CDH3: variants seen among roughly 807,000 people sequenced by gnomAD.
The protein encoded by CDH3 is cadherin-3.
Under a neutral mutation model 82.0 loss-of-function variants are expected in CDH3, and 54 were observed. The observed-to-expected ratio is 0.66, with a 90% CI of 0.53 to 0.83. The LOEUF is 0.83. CDH3 is among the 40% of genes least tolerant of loss of function. CDH3 has a pLI of 0.00. For missense variants in CDH3, 1,054 were observed against 1,084.6 expected (o/e 0.97, Z 0.40); for synonymous variants, 446 against 437.9 (o/e 1.02, Z -0.23).
intron 15 of CDH3, 105 bp from the exon 16 acceptor site, chr16:68,698,086 C>G (rs1380598086): frequency 9.8e-7 from 1 of 1,015,502 alleles, no homozygotes; most frequent in Non-Finnish European, 1.5e-6. Context: ...ACCTCCAAAA[C>G]CTTTAGGGGA....
chr16:68,666,449 C>T (rs533609713), intron 2 of CDH3, among the ~76,000 whole-genome samples: 56 of 152,236 alleles, frequency 3.7e-4, no homozygotes, highest in Admixed American at 3.3e-3. Flanking sequence ...CCAGCATGCC[C>T]AGGGGTGGGT....
At chr16:68,645,902 G>T (rs1960045353) in intron 2 of CDH3, 152 bp downstream of exon 2, 1 of 631,698 alleles carries the variant, frequency 1.6e-6, no homozygotes, top group African/African-American at 1.8e-5. Flanking sequence ...GCTGGGATTG[G>T]GGGTGGTGGC....
intron 2 of CDH3, among the ~76,000 whole-genome samples, chr16:68,671,042 C>CATGG (rs1247818152): frequency 6.6e-6 from 1 of 151,978 alleles, no homozygotes; most frequent in Non-Finnish European, 1.5e-5. Flanking sequence ...CACTGCACTC[C>CATGG]AGCCTGAGTA....
At chr16:68,654,066 T>TC (rs955858636) in intron 2 of CDH3, among the ~76,000 whole-genome samples, 1 of 149,894 alleles carries the variant, frequency 6.7e-6, no homozygotes, top group Non-Finnish European at 1.5e-5. Flanking sequence ...CTTAATTTTT[T>TC]TTTTTTTTTT....
chr16:68,676,102 C>A (rs1961026832), intron 2 of CDH3, among the ~76,000 whole-genome samples: 1 of 152,132 alleles, frequency 6.6e-6, no homozygotes, highest in South Asian at 2.1e-4. Flanking sequence ...GGGCTAATGT[C>A]CATGAATGTC....
chr16:68,692,130 A>T (rs1961597750), intron 13 of CDH3, among the ~76,000 whole-genome samples: 3 of 152,112 alleles, frequency 2.0e-5, no homozygotes, highest in African/African-American at 7.2e-5. Context: ...TCTGCCTCCC[A>T]GGCTCAAATG....
intron 1 of CDH3, among the ~76,000 whole-genome samples, chr16:68,722,136 G>C (rs963635641): frequency 1.3e-5 from 2 of 152,104 alleles, no homozygotes; most frequent in African/African-American, 2.4e-5. Flanking sequence ...TATTGCTCTG[G>C]GTTGTAAATC....
At chr16:68,724,291 G>A (rs945051265) in intron 2 of CDH3, among the ~76,000 whole-genome samples, 2 of 151,434 alleles carry the variant, frequency 1.3e-5, no homozygotes, top group Admixed American at 6.6e-5. Flanking sequence ...TTTTTTGAAG[G>A]GAATTTAGAC....
intron 12 of CDH3, among the ~76,000 whole-genome samples, chr16:68,690,490 G>A (rs1961533083): frequency 6.6e-6 from 1 of 152,082 alleles, no homozygotes; most frequent in South Asian, 2.1e-4. Flanking sequence ...GCGCAAACCT[G>A]TAGTCCCAGC....
chr16:68,678,419 G>T, intron 4 of CDH3, 82 bp from the exon 5 acceptor site: 1 of 1,582,264 alleles, frequency 6.3e-7, no homozygotes, highest in Admixed American at 1.7e-5. Flanking sequence ...TCCTATGGCA[G>T]TGCCCCTCTT....
chr16:68,685,581 A>G (rs1158541654), intron 11 of CDH3, among the ~76,000 whole-genome samples: 3 of 151,946 alleles, frequency 2.0e-5, no homozygotes, highest in Non-Finnish European at 4.4e-5. Flanking sequence ...CAAGGCAGGT[A>G]GATCACCTGA....
At chr16:68,732,531 G>T in the CDH3 span, among the ~76,000 whole-genome samples, 1 of 152,242 alleles carries the variant, frequency 6.6e-6, no homozygotes, top group Non-Finnish European at 1.5e-5. Flanking sequence ...AGGTGACAGG[G>T]TCTCTTATCT....
Position 68,678,774 on chromosome 16 carries a change from G to A in CDH3, c.559G>A (p.Ala187Thr), listed in dbSNP as rs1961113012. The A allele has an allele frequency of 6.2e-7, 1 of 1,614,132 alleles. No homozygotes were observed. The highest frequency in any genetic ancestry group is 8.5e-7 in the Non-Finnish European group (1 of 1,180,006). The change falls in exon 6 of 16, where the codon GCT (alanine) becomes ACT (threonine). Residue 187 changes from alanine to threonine, a missense_variant. Transcript: ENST00000264012. ...EIAKYELFGHAVSENGASVED... is the reference protein window; with the variant it reads ...EIAKYELFGHTVSENGASVED... ...GTGTACCCCACAGCTCTTTGGCCAC[G>A]CTGTGTCAGAGAATGGTGCCTCAGT...
intron 2 of CDH3, among the ~76,000 whole-genome samples, chr16:68,673,242 A>T (rs898762991): frequency 6.6e-6 from 1 of 152,232 alleles, no homozygotes; most frequent in Non-Finnish European, 1.5e-5. Flanking sequence ...TTGTCTTCCC[A>T]TATCAGACTT....
chr16:68,694,799 C>T (rs968581152), intron 13 of CDH3, among the ~76,000 whole-genome samples: 3 of 152,000 alleles, frequency 2.0e-5, no homozygotes, highest in African/African-American at 7.2e-5. Context: ...CCCGACATCC[C>T]GACGAAAGGT....
intron 2 of CDH3, among the ~76,000 whole-genome samples, chr16:68,725,276 A>G (rs1962207168): frequency 6.6e-6 from 1 of 152,130 alleles, no homozygotes; most frequent in South Asian, 2.1e-4. Context: ...GGAATATGGA[A>G]ATAATAGTTC....
chr16:68,651,636 T>C, intron 2 of CDH3: 1 of 507,384 alleles, frequency 2.0e-6, no homozygotes, highest in Non-Finnish European at 3.9e-6. Context: ...GTTACTGGCC[T>C]CAAACAGGTC....
At position 68,678,647 on chromosome 16, in the gene CDH3, C is replaced by A; in HGVS notation, c.537C>A (p.Ala179=). Residue 179 remains alanine (A), a synonymous_variant, in exon 5 of 16, where the codon GCC becomes GCA. Coordinates refer to ENST00000264012, the MANE Select transcript of CDH3 (RefSeq NM_001793.6). The part of the protein sequence containing the change: ...LNKPLDREEI[A]KYELFGHAVS... ...AGCCACTGGACCGGGAGGAGATTGCCAAGTATGAGGCAAGTAGCCTTTAGT... is the reference window on the plus strand; with the variant it reads ...AGCCACTGGACCGGGAGGAGATTGCAAAGTATGAGGCAAGTAGCCTTTAGT... The A allele has an allele frequency of 6.2e-7, 1 of 1,614,212 alleles. No homozygotes were observed. The highest frequency in any genetic ancestry group is 8.5e-7 in the Non-Finnish European group (1 of 1,180,040).
At chr16:68,730,379 A>G (rs559846488), downstream of CDH3, among the ~76,000 whole-genome samples, 4 of 151,988 alleles carry the variant, frequency 2.6e-5, no homozygotes, top group East Asian at 7.8e-4. Flanking sequence ...CCACAAAATT[A>G]GCTGGGTTTG....
Sources: gnomAD v4.1 joint callset for allele counts (sites outside exome capture counted in the v4.1 genomes callset) on GRCh38, gnomAD v4.1.1 for gene constraint, MANE v1.5 for transcripts, NCBI Gene and HGNC (gene_info 2026-07-23, HGNC 2026-07-21) for gene names.